CNTLN: variants seen among roughly 807,000 people sequenced by gnomAD.
CNTLN encodes centlein, also known as centlein, centrosomal protein.
In CNTLN, 212 loss-of-function variants were observed where a neutral mutation model predicts 180.0. That is an observed-to-expected ratio of 1.18 (90% confidence interval 1.05 to 1.32). The LOEUF (loss-of-function observed/expected upper bound fraction) is 1.32. Ranked by LOEUF, CNTLN falls within the 40% of genes most tolerant of loss-of-function variation. CNTLN has a pLI of 0.00. For synonymous variants in CNTLN, 722 were observed against 563.1 expected (o/e 1.28, Z -3.99); for missense variants, 2,095 against 1,610.9 (o/e 1.30, Z -5.14).
intron 2 of CNTLN, among the ~76,000 whole-genome samples, chr9:17,143,666 A>G (rs945369117): frequency 1.3e-5 from 2 of 152,068 alleles, no homozygotes; most frequent in Non-Finnish European, 2.9e-5. Context: ...TTACAGTTCA[A>G]CCTTAAAAGT....
intron 2 of CNTLN, among the ~76,000 whole-genome samples, chr9:17,150,600 T>G (rs144149741): frequency 0.02 from 3,041 of 152,344 alleles, 67 homozygotes; most frequent in African/African-American, 0.054. Context: ...TCCAGCTTTG[T>G]CCTTCTTGCC....
chr9:17,335,549 T>C (rs1404917330), intron 10 of CNTLN, among the ~76,000 whole-genome samples: 1 of 152,108 alleles, frequency 6.6e-6, no homozygotes, highest in African/African-American at 2.4e-5. Flanking sequence ...AATTCAGAAT[T>C]AGAATTGCAA....
At chr9:17,357,460 A>C (rs1269891602) in intron 12 of CNTLN, among the ~76,000 whole-genome samples, 1 of 151,300 alleles carries the variant, frequency 6.6e-6, no homozygotes. Flanking sequence ...GTATTCAGAC[A>C]TGAGTCCATA....
the CNTLN span, among the ~76,000 whole-genome samples, chr9:17,524,211 T>C: frequency 6.6e-6 from 1 of 152,220 alleles, no homozygotes; most frequent in African/African-American, 2.4e-5. Context: ...TTTGTTTTGT[T>C]ATTTAGTTAT....
intron 9 of CNTLN, 150 bp downstream of exon 9, chr9:17,330,958 G>T: frequency 1.6e-6 from 1 of 642,560 alleles, no homozygotes; most frequent in Non-Finnish European, 2.6e-6. Context: ...TGTTAAATAA[G>T]TTTTAGGAGT....
At chr9:17,322,958 TAATA>T (rs1383075879) in intron 8 of CNTLN, among the ~76,000 whole-genome samples, 1 of 152,202 alleles carries the variant, frequency 6.6e-6, no homozygotes, top group Non-Finnish European at 1.5e-5. Context: ...TGATAACTTG[TAATA>T]TTAAATAGAA....
At chr9:17,315,392 T>G (rs1343831354) in intron 8 of CNTLN, among the ~76,000 whole-genome samples, 2 of 152,102 alleles carry the variant, frequency 1.3e-5, no homozygotes, top group Non-Finnish European at 1.5e-5. Context: ...TGTGTTTACT[T>G]TTTATAGCTT....
chr9:17,266,018 C>T (rs898225454), intron 5 of CNTLN, among the ~76,000 whole-genome samples: 1 of 151,948 alleles, frequency 6.6e-6, no homozygotes, highest in African/African-American at 2.4e-5. Context: ...TTTTGAAGGG[C>T]TTTTTGTGTT....
intron 5 of CNTLN, among the ~76,000 whole-genome samples, chr9:17,244,619 G>A (rs906307884): frequency 5.3e-5 from 8 of 151,998 alleles, no homozygotes; most frequent in Non-Finnish European, 1.0e-4. Flanking sequence ...ATTAGTGAGT[G>A]TTTGTTTCAT....
At chr9:17,244,076 A>T (rs1409104475) in intron 5 of CNTLN, among the ~76,000 whole-genome samples, 1 of 151,488 alleles carries the variant, frequency 6.6e-6, no homozygotes, top group African/African-American at 2.4e-5. Context: ...ATTTCTTTTT[A>T]TAGTTGTTGT....
chr9:17,354,288 T>A (rs555795130), intron 12 of CNTLN, among the ~76,000 whole-genome samples: 1 of 152,260 alleles, frequency 6.6e-6, no homozygotes, highest in African/African-American at 2.4e-5. Flanking sequence ...GGGCGCCCAG[T>A]CCCGTAGACC....
chr9:17,235,921 C>T (rs1008681140), intron 4 of CNTLN, 129 bp downstream of exon 4: 16 of 796,812 alleles, frequency 2.0e-5, no homozygotes, highest in Non-Finnish European at 2.6e-5. Context: ...CTGTACCATA[C>T]AGTTTTCTCA....
intron 2 of CNTLN, among the ~76,000 whole-genome samples, chr9:17,183,948 GTTC>G (rs1023440401): frequency 1.3e-5 from 2 of 152,020 alleles, no homozygotes; most frequent in Admixed American, 1.3e-4. Context: ...ATCTAAATTT[GTTC>G]TTAAGAACCA....
chr9:17,282,231 G>A (rs769152462), intron 6 of CNTLN, among the ~76,000 whole-genome samples: 5 of 152,124 alleles, frequency 3.3e-5, no homozygotes, highest in Non-Finnish European at 7.4e-5. Context: ...AAAGTGCTGG[G>A]ATTACAGAGT....
intron 24 of CNTLN, among the ~76,000 whole-genome samples, chr9:17,486,089 C>T (rs561499837): frequency 6.6e-6 from 1 of 152,198 alleles, no homozygotes; most frequent in African/African-American, 2.4e-5. Flanking sequence ...GGGATAGGTA[C>T]ATTTTGATAT....
intron 25 of CNTLN, among the ~76,000 whole-genome samples, chr9:17,502,259 G>A (rs1166929112): frequency 6.6e-6 from 1 of 152,158 alleles, no homozygotes; most frequent in African/African-American, 2.4e-5. Flanking sequence ...AAGATAAATG[G>A]CTTAGCTGCT....
chr9:17,225,718 A>G (rs75100140), intron 2 of CNTLN, among the ~76,000 whole-genome samples: 3,393 of 152,068 alleles, frequency 0.022, 128 homozygotes, highest in African/African-American at 0.077. Context: ...TTGTACAACT[A>G]CCATTTAGTT....
the CNTLN span, among the ~76,000 whole-genome samples, chr9:17,521,249 G>A: frequency 4.2e-5 from 5 of 119,400 alleles, no homozygotes; most frequent in African/African-American, 1.6e-4. Flanking sequence ...AAGCTAGAGA[G>A]AGAGAAAGGG....
intron 13 of CNTLN, among the ~76,000 whole-genome samples, chr9:17,384,175 CCT>C (rs1344789048): frequency 6.6e-6 from 1 of 151,898 alleles, no homozygotes; most frequent in Non-Finnish European, 1.5e-5. Context: ...TTCAAATTCC[CCT>C]GATTCATCCA....
Sources: allele counts gnomAD v4.1 joint callset (sites outside exome capture counted in the v4.1 genomes callset), GRCh38; gene constraint gnomAD v4.1.1; transcripts MANE v1.5; gene names NCBI Gene and HGNC (gene_info 2026-07-23, HGNC 2026-07-21).